ANKS1B: variants seen among roughly 807,000 people sequenced by gnomAD.
The protein encoded by ANKS1B is ankyrin repeat and sterile alpha motif domain containing 1B, also known as ankyrin repeat and sterile alpha motif domain-containing protein 1B.
Under a neutral mutation model 148.3 loss-of-function variants are expected in ANKS1B, and 36 were observed. That is an observed-to-expected ratio of 0.24 (90% CI 0.19 to 0.32). The LOEUF (loss-of-function observed/expected upper bound fraction) is 0.32, where lower values mean the gene tolerates loss of function less well. ANKS1B is among the 10% of genes least tolerant of loss of function. The pLI is 1.00. For missense variants in ANKS1B, 1,157 were observed against 1,542.6 expected, an observed-to-expected ratio of 0.75 and a Z score of 4.19; for synonymous variants, 542 against 560.8, an observed-to-expected ratio of 0.97 and a Z score of 0.47.
intron 17 of ANKS1B, among the ~76,000 whole-genome samples, chr12:98,915,002 G>T (rs1332245942): frequency 6.6e-6 from 1 of 152,024 alleles, no homozygotes; most frequent in Non-Finnish European, 1.5e-5. Flanking sequence ...TGTCTTCTTT[G>T]TTTACTGCTA....
At chr12:99,389,428 G>C (rs527295708) in intron 12 of ANKS1B, among the ~76,000 whole-genome samples, 1 of 152,154 alleles carries the variant, frequency 6.6e-6, no homozygotes, top group Admixed American at 6.5e-5. Flanking sequence ...GGGAAGGAGG[G>C]GATTTTCTCC....
chr12:99,211,584 A>T (rs2083351369), intron 14 of ANKS1B, among the ~76,000 whole-genome samples: 1 of 152,196 alleles, frequency 6.6e-6, no homozygotes, highest in Admixed American at 6.5e-5. Context: ...GTCAAATACA[A>T]TTTTTAAACT....
chr12:99,671,063 A>G (rs2098535816), intron 8 of ANKS1B, among the ~76,000 whole-genome samples: 1 of 152,206 alleles, frequency 6.6e-6, no homozygotes, highest in Non-Finnish European at 1.5e-5. Context: ...TCTCTTCTCT[A>G]AATTCCCATA....
intron 12 of ANKS1B, among the ~76,000 whole-genome samples, chr12:99,374,840 TA>T (rs1225203970): frequency 2.6e-5 from 4 of 152,240 alleles, no homozygotes; most frequent in African/African-American, 9.6e-5. Context: ...TTATTTATTT[TA>T]TTTTTTTACC....
intron 12 of ANKS1B, among the ~76,000 whole-genome samples, chr12:99,313,530 C>T (rs1858101627): frequency 6.6e-6 from 1 of 152,180 alleles, no homozygotes. Context: ...AAAATACTGG[C>T]AAACCGAATC....
intron 12 of ANKS1B, among the ~76,000 whole-genome samples, chr12:99,282,323 C>G (rs942992466): frequency 6.6e-6 from 1 of 152,024 alleles, no homozygotes; most frequent in South Asian, 2.1e-4. Context: ...GCAAAGTGGG[C>G]AAAAGAGAGA....
intron 17 of ANKS1B, among the ~76,000 whole-genome samples, chr12:99,035,544 C>G (rs2099955006): frequency 6.6e-6 from 1 of 152,156 alleles, no homozygotes; most frequent in East Asian, 1.9e-4. Flanking sequence ...ATTTTTGGGT[C>G]TTCATCCTGA....
At chr12:98,899,152 C>T (rs1596516953) in intron 17 of ANKS1B, among the ~76,000 whole-genome samples, 1 of 152,110 alleles carries the variant, frequency 6.6e-6, no homozygotes, top group South Asian at 2.1e-4. Flanking sequence ...TAGTTAATCT[C>T]CTGACTTTGG....
intron 8 of ANKS1B, among the ~76,000 whole-genome samples, chr12:99,712,079 C>A (rs1398892938): frequency 5.3e-5 from 8 of 152,174 alleles, no homozygotes; most frequent in Non-Finnish European, 1.0e-4. Context: ...TTATCCTTAG[C>A]AAACTAATGC....
intron 15 of ANKS1B, among the ~76,000 whole-genome samples, chr12:99,125,809 GC>G (rs2064163691): frequency 6.6e-6 from 1 of 151,820 alleles, no homozygotes; most frequent in African/African-American, 2.4e-5. Flanking sequence ...AAGAATCTGG[GC>G]CCTTTTCTTA....
intron 8 of ANKS1B, among the ~76,000 whole-genome samples, chr12:99,709,891 T>C (rs574936501): frequency 4.6e-5 from 7 of 152,230 alleles, no homozygotes; most frequent in African/African-American, 1.4e-4. Flanking sequence ...GCTTTGACCC[T>C]CCATCACTTA....
At chr12:99,658,700 T>G (rs1195939697) in intron 8 of ANKS1B, among the ~76,000 whole-genome samples, 2 of 152,140 alleles carry the variant, frequency 1.3e-5, no homozygotes, top group East Asian at 3.9e-4. Flanking sequence ...GAAAAAATAG[T>G]GTAATCATTT....
At chr12:99,850,604 T>C (rs1237422130) in intron 1 of ANKS1B, among the ~76,000 whole-genome samples, 6 of 152,008 alleles carry the variant, frequency 3.9e-5, no homozygotes, top group Admixed American at 3.9e-4. Flanking sequence ...TTTTTATCCC[T>C]ACAAACTAGT....
At chr12:99,901,906 T>C (rs2093613331) in intron 1 of ANKS1B, among the ~76,000 whole-genome samples, 1 of 152,220 alleles carries the variant, frequency 6.6e-6, no homozygotes, top group Non-Finnish European at 1.5e-5. Flanking sequence ...CATTTCCTCA[T>C]CTGTAAAACA....
chr12:98,861,757 A>G (rs538907756), intron 17 of ANKS1B, among the ~76,000 whole-genome samples: 9 of 152,322 alleles, frequency 5.9e-5, no homozygotes, highest in Admixed American at 5.9e-4. Context: ...AGAAAAAAAG[A>G]TTTTTAAGTT....
chr12:99,916,635 C>T (rs189504980), intron 1 of ANKS1B, among the ~76,000 whole-genome samples: 1 of 152,308 alleles, frequency 6.6e-6, no homozygotes, highest in Admixed American at 6.5e-5. Context: ...TCTGCTCTGT[C>T]CCTGGCCCAA....
intron 8 of ANKS1B, among the ~76,000 whole-genome samples, chr12:99,727,402 G>C (rs1174566728): frequency 6.6e-6 from 1 of 151,876 alleles, no homozygotes; most frequent in Admixed American, 6.6e-5. Flanking sequence ...GCTATAAAGA[G>C]AATAAAATAC....
chr12:99,417,706 T>C (rs1044356954), intron 11 of ANKS1B, among the ~76,000 whole-genome samples: 2 of 151,150 alleles, frequency 1.3e-5, no homozygotes, highest in African/African-American at 4.9e-5. Flanking sequence ...TCTTTGAACA[T>C]TTTTTTTCAT....
At chr12:98,851,314 A>G (rs1271319968) in intron 17 of ANKS1B, among the ~76,000 whole-genome samples, 1 of 152,154 alleles carries the variant, frequency 6.6e-6, no homozygotes, top group Non-Finnish European at 1.5e-5. Flanking sequence ...AAAAGTAGGG[A>G]GTGGCAATCT....
Sources: allele counts gnomAD v4.1 joint callset (sites outside exome capture counted in the v4.1 genomes callset), GRCh38; gene constraint gnomAD v4.1.1; transcripts MANE v1.5; gene names NCBI Gene and HGNC (gene_info 2026-07-23, HGNC 2026-07-21).